SOX5: variants seen among roughly 807,000 people sequenced by gnomAD.
SOX5 encodes the protein SRY-box transcription factor 5.
In SOX5, 9 loss-of-function variants were observed where a neutral mutation model predicts 92.0. The observed-to-expected ratio is 0.10, with a 90% confidence interval of 0.06 to 0.17. The LOEUF (loss-of-function observed/expected upper bound fraction) is 0.17. SOX5 is among the 10% of genes least tolerant of loss of function. The pLI is 1.00. For missense variants in SOX5, 642 were observed against 944.5 expected (o/e 0.68, Z 4.20); for synonymous variants, 344 against 336.3 (o/e 1.02, Z -0.25).
At chr12:24,261,177 A>T (rs527622985) in intron 3 of SOX5, among the ~76,000 whole-genome samples, 1 of 152,294 alleles carries the variant, frequency 6.6e-6, no homozygotes, top group South Asian at 2.1e-4. Flanking sequence ...GAGGAAAAAA[A>T]ACTATATCTA....
intron 6 of SOX5, among the ~76,000 whole-genome samples, chr12:23,669,569 C>T (rs955967550): frequency 2.7e-5 from 4 of 150,330 alleles, no homozygotes; most frequent in African/African-American, 9.8e-5. Context: ...AGAGACCCAG[C>T]GTAGAGACCA....
At chr12:23,777,529 A>G (rs1028850421) in intron 3 of SOX5, among the ~76,000 whole-genome samples, 6 of 152,196 alleles carry the variant, frequency 3.9e-5, no homozygotes, top group African/African-American at 1.4e-4. Flanking sequence ...AGCAATGACC[A>G]TAACGTCTGC....
chr12:23,937,331 A>G (rs967940341), intron 1 of SOX5, among the ~76,000 whole-genome samples: 1 of 150,990 alleles, frequency 6.6e-6, no homozygotes, highest in South Asian at 2.1e-4. Context: ...TCTATTGAGC[A>G]TTTCAGGATT....
At chr12:24,490,452 T>C (rs150765603) in intron 1 of SOX5, among the ~76,000 whole-genome samples, 2 of 152,298 alleles carry the variant, frequency 1.3e-5, no homozygotes, top group East Asian at 1.9e-4. Context: ...GCTGTTACTC[T>C]TTTTTACAAA....
intron 4 of SOX5, among the ~76,000 whole-genome samples, chr12:24,159,173 C>T (rs1320063617): frequency 1.3e-5 from 2 of 148,886 alleles, no homozygotes; most frequent in Non-Finnish European, 3.0e-5. Flanking sequence ...TTCATTCACT[C>T]ACTCATCTAT....
At chr12:23,575,633 C>T in intron 10 of SOX5, 28 bp downstream of exon 10, 2 of 1,609,966 alleles carry the variant, frequency 1.2e-6, no homozygotes, top group African/African-American at 1.3e-5. Context: ...AACAGAAAAT[C>T]AGCAAGAACA....
At chr12:23,761,348 A>G (rs932510654) in intron 3 of SOX5, among the ~76,000 whole-genome samples, 2 of 152,150 alleles carry the variant, frequency 1.3e-5, no homozygotes, top group African/African-American at 4.8e-5. Flanking sequence ...AATTAACACT[A>G]AACAAATTTA....
At chr12:23,551,503 G>GCA in intron 11 of SOX5, among the ~76,000 whole-genome samples, 1 of 151,720 alleles carries the variant, frequency 6.6e-6, no homozygotes, top group African/African-American at 2.4e-5. Flanking sequence ...ATATGTGTGT[G>GCA]CACACACATA....
intron 4 of SOX5, among the ~76,000 whole-genome samples, chr12:23,978,998 T>A (rs566171858): frequency 6.6e-6 from 1 of 152,286 alleles, no homozygotes; most frequent in East Asian, 1.9e-4. Context: ...TGACAATTTT[T>A]AAAATGTATC....
chr12:24,360,570 T>C (rs1595912374), intron 2 of SOX5, among the ~76,000 whole-genome samples: 1 of 152,214 alleles, frequency 6.6e-6, no homozygotes, highest in Admixed American at 6.5e-5. Flanking sequence ...CTAATCTTAT[T>C]ATTAGTTTAA....
chr12:23,720,642 C>T (rs2092763338), intron 6 of SOX5, among the ~76,000 whole-genome samples: 1 of 151,818 alleles, frequency 6.6e-6, no homozygotes, highest in Non-Finnish European at 1.5e-5. Flanking sequence ...TATTATGAAC[C>T]AATGAAATAT....
chr12:24,420,502 A>G (rs1423670131), intron 1 of SOX5, among the ~76,000 whole-genome samples: 1 of 152,180 alleles, frequency 6.6e-6, no homozygotes, highest in Non-Finnish European at 1.5e-5. Flanking sequence ...TGAATTCACA[A>G]TGATATTTAA....
At chr12:24,560,614 C>A (rs1954242031) in intron 1 of SOX5, among the ~76,000 whole-genome samples, 1 of 152,208 alleles carries the variant, frequency 6.6e-6, no homozygotes, top group South Asian at 2.1e-4. Context: ...CCTTCCCTAT[C>A]TGAGCTAACA....
intron 4 of SOX5, among the ~76,000 whole-genome samples, chr12:24,048,205 A>G (rs1957233082): frequency 6.6e-6 from 1 of 152,230 alleles, no homozygotes; most frequent in Admixed American, 6.5e-5. Context: ...CTCATTTTAT[A>G]GATGGCAGAA....
rs977861398 is a variant in SOX5 at position 23,718,855 on chromosome 12, G to A, written c.810+15829C>T. On this transcript the variant is annotated intron_variant, in intron 6 of 14. Coordinates refer to ENST00000451604, the MANE Select transcript of SOX5 (RefSeq NM_006940.6). ...CAATAGGAGAACATCAATTCCAAAC[G>A]GTTCTCAATAGGGCAGTAAAAAGCT... is the stretch of plus-strand genomic sequence containing the variant. Among the ~76,000 whole-genome samples the A allele has an allele frequency of 3.9e-5, 6 of 152,038 alleles. No homozygotes were observed. The East Asian group carries it at 7.7e-4, about 20-fold the overall frequency.
intron 4 of SOX5, among the ~76,000 whole-genome samples, chr12:24,124,669 G>T (rs1423047797): frequency 6.6e-6 from 1 of 151,984 alleles, no homozygotes; most frequent in Non-Finnish European, 1.5e-5. Context: ...AAAAGAAGAA[G>T]AATTAGAGTC....
At chr12:24,033,032 G>A (rs1955667804) in intron 4 of SOX5, among the ~76,000 whole-genome samples, 1 of 151,838 alleles carries the variant, frequency 6.6e-6, no homozygotes, top group African/African-American at 2.4e-5. Flanking sequence ...GTATAAGCAC[G>A]TTTGTGAGGA....
Position 23,721,449 on chromosome 12 carries a change from T to C in SOX5, c.810+13235A>G, listed in dbSNP as rs140204728. Reference sequence around the variant, plus strand: ...TAGTACTCACAGTGTTGGTCTGTGATGAGGTCAGTAGCTTATCCGAGAGCG... The same window carrying C: ...TAGTACTCACAGTGTTGGTCTGTGACGAGGTCAGTAGCTTATCCGAGAGCG... On this transcript the variant is annotated intron_variant, in intron 6 of 14. Coordinates refer to ENST00000451604, the MANE Select transcript of SOX5 (RefSeq NM_006940.6). Among the ~76,000 whole-genome samples, 349 of 152,118 alleles carry C rather than the reference T, an allele frequency of 2.3e-3. 1 individual carries two copies. The highest frequency in any genetic ancestry group is 2.7e-3 in the Non-Finnish European group (181 of 67,996).
chr12:24,327,326 T>C (rs1456578298), intron 2 of SOX5, among the ~76,000 whole-genome samples: 2 of 147,252 alleles, frequency 1.4e-5, no homozygotes, highest in Non-Finnish European at 3.0e-5. Flanking sequence ...ATGCTGAAAA[T>C]GTCCATACAG....
Sources: gnomAD v4.1 joint callset for allele counts (sites outside exome capture counted in the v4.1 genomes callset) on GRCh38, gnomAD v4.1.1 for gene constraint, MANE v1.5 for transcripts, NCBI Gene and HGNC (gene_info 2026-07-23, HGNC 2026-07-21) for gene names.